The following SLC25A12 variants were observed in gnomAD, a reference collection of about 807,000 sequenced individuals.
SLC25A12 encodes the protein solute carrier family 25 member 12, also known as electrogenic aspartate/glutamate antiporter SLC25A12, mitochondrial.
SLC25A12 carries 32 observed loss-of-function variants against 83.3 expected under a neutral mutation model. That is an observed-to-expected ratio of 0.38 (90% CI 0.29 to 0.52). The LOEUF (loss-of-function observed/expected upper bound fraction) is 0.52. Ranked by LOEUF, SLC25A12 falls within the 20% of genes least tolerant of loss-of-function variation. The pLI, the probability that SLC25A12 is intolerant of heterozygous loss-of-function variation, is 0.84. For missense variants in SLC25A12, 611 were observed against 835.6 expected (o/e 0.73, Z 3.31); for synonymous variants, 267 against 291.1 (o/e 0.92, Z 0.84).
Position 171,785,416 on chromosome 2 carries a change from T to C in SLC25A12, c.1895A>G (p.Asn632Ser). 1 of 1,614,180 alleles carries C rather than the reference T, an allele frequency of 6.2e-7. No individual in the cohort carries two copies. The change falls in exon 18 of 18, where the codon AAC becomes AGC. Residue 632 changes from asparagine to serine, a missense_variant. By Grantham distance (46) the Asn-to-Ser change is conservative. Coordinates refer to ENST00000422440, the MANE Select transcript of SLC25A12 (RefSeq NM_003705.5). ...TCTGTATCCACCGATGTGATCAGGG[T>C]TGGCAGGAGGAAGGTCTGCAATGCG... is the stretch of plus-strand genomic sequence containing the variant. ...KSRIADLPPA[N>S]PDHIGGYRLA...
intron 15 of SLC25A12, among the ~76,000 whole-genome samples, chr2:171,790,569 T>C (rs765245367): frequency 1.6e-4 from 24 of 152,190 alleles, no homozygotes; most frequent in Non-Finnish European, 2.5e-4. Context: ...ATTCATGTTA[T>C]TGACATTTAT....
Position 171,813,534 on chromosome 2 carries a change from A to C in SLC25A12, c.1013-37T>G, listed in dbSNP as rs758519314. On this transcript the variant is annotated intron_variant, in intron 10 of 17. Transcript: ENST00000422440. ...ACAATTTTTAGGCTTAAAAAAGAAC[A>C]CAATTAAATGGAGAGTCCATAAGGA... The C allele has an allele frequency of 4.4e-6, 7 of 1,606,472 alleles. No homozygotes were observed. The South Asian group carries it at 7.7e-5, about 18-fold the overall frequency.
chr2:171,844,747 A>C (rs1684756867), intron 4 of SLC25A12, among the ~76,000 whole-genome samples: 1 of 152,208 alleles, frequency 6.6e-6, no homozygotes. Flanking sequence ...TGAGATTCTT[A>C]ATTTCTCTTT....
intron 13 of SLC25A12, among the ~76,000 whole-genome samples, chr2:171,800,572 C>A (rs1191157479): frequency 6.6e-6 from 1 of 152,112 alleles, no homozygotes; most frequent in African/African-American, 2.4e-5. Context: ...AACTAACTGG[C>A]AGTTTATTTT....
intron 13 of SLC25A12, among the ~76,000 whole-genome samples, chr2:171,804,995 T>C (rs1322326022): frequency 6.6e-6 from 1 of 152,200 alleles, no homozygotes; most frequent in Non-Finnish European, 1.5e-5. Flanking sequence ...TTGATTGTGG[T>C]GATGGTTTCA....
intron 2 of SLC25A12, chr2:171,871,751 C>T (rs934663046): frequency 1.0e-5 from 10 of 984,718 alleles, no homozygotes; most frequent in Non-Finnish European, 1.2e-5. Context: ...TCTTCTAAAA[C>T]TTTTAGTATT....
chr2:171,845,750 T>G (rs1284696031), intron 4 of SLC25A12: 1 of 453,520 alleles, frequency 2.2e-6, no homozygotes, highest in Non-Finnish European at 4.4e-6. Flanking sequence ...ATATAATAGC[T>G]CTGAATAGAT....
intron 9 of SLC25A12, among the ~76,000 whole-genome samples, chr2:171,820,278 C>T (rs1684158374): frequency 6.6e-6 from 1 of 152,130 alleles, no homozygotes; most frequent in Non-Finnish European, 1.5e-5. Flanking sequence ...CACAATCCAG[C>T]TTATATTCCA....
chr2:171,813,378 TCTTAA>T lies in SLC25A12; in HGVS notation c.1127_1131del (p.Phe376Ter). 1 of 1,614,090 alleles carries T rather than the reference TCTTAA, an allele frequency of 6.2e-7. No individual in the cohort carries two copies. The highest frequency in any genetic ancestry group is 8.5e-7 in the Non-Finnish European group (1 of 1,179,968). ...AAGAAGCCCTCATAACGCAAGACTT[TCTTAA>T]AACAGTCAAAGCTGTTTTTGTACAT... is the stretch of plus-strand genomic sequence containing the variant. On this transcript the variant is annotated frameshift_variant, in exon 11 of 18. Coordinates refer to ENST00000422440, the MANE Select transcript of SLC25A12 (RefSeq NM_003705.5). LOFTEE classifies it high-confidence loss of function.
At position 171,793,697 on chromosome 2, in the gene SLC25A12, T is replaced by C; in HGVS notation, c.1376A>G (p.Glu459Gly). The change falls in exon 14 of 18, where the codon GAG becomes GGG. Residue 459 changes from glutamate to glycine, a missense_variant. Coordinates refer to ENST00000422440, the MANE Select transcript of SLC25A12 (RefSeq NM_003705.5). ...GCTGACTCTGGGTCCCGTGGTGATC[T>C]CTCCAGCTACTTGCAGACGAATCTT... is the stretch of plus-strand genomic sequence containing the variant. ...IVKIRLQVAG[E>G]ITTGPRVSAL... 6.2e-7 allele frequency: 1 copy of C among 1,614,124 alleles called. No homozygotes were observed. Among genetic ancestry groups the C allele is most frequent in the Non-Finnish European group, 8.5e-7 (1 of 1,180,020 alleles).
chr2:171,792,889 A>G (rs1445649966), intron 14 of SLC25A12, among the ~76,000 whole-genome samples: 1 of 152,210 alleles, frequency 6.6e-6, no homozygotes, highest in African/African-American at 2.4e-5. Flanking sequence ...ACATTTCTGC[A>G]GTGATGGATC....
At chr2:171,880,840 C>T (rs561459395) in intron 2 of SLC25A12, among the ~76,000 whole-genome samples, 6 of 152,306 alleles carry the variant, frequency 3.9e-5, no homozygotes, top group African/African-American at 7.2e-5. Context: ...ATTCTTTACA[C>T]ACTAACATAC....
chr2:171,853,681 C>CAA (rs879742369), intron 4 of SLC25A12, among the ~76,000 whole-genome samples: 1 of 137,094 alleles, frequency 7.3e-6, no homozygotes. Flanking sequence ...GCTCCACCTC[C>CAA]AAAAAAAAAA....
At chr2:171,805,255 C>A (rs781555144) in intron 13 of SLC25A12, among the ~76,000 whole-genome samples, 1 of 151,902 alleles carries the variant, frequency 6.6e-6, no homozygotes, top group South Asian at 2.1e-4. Context: ...ACTGTAGGAA[C>A]GCGCCACTTC....
chr2:171,867,553 G>A (rs939887400), intron 3 of SLC25A12, among the ~76,000 whole-genome samples: 26 of 152,216 alleles, frequency 1.7e-4, no homozygotes, highest in Non-Finnish European at 2.6e-4. Context: ...GGAGGTTGCA[G>A]TGAGCCGAGA....
At chr2:171,788,087 T>C (rs1574670958) in intron 15 of SLC25A12, 140 bp from the exon 16 acceptor site, 3 of 790,366 alleles carry the variant, frequency 3.8e-6, no homozygotes, top group Non-Finnish European at 6.3e-6. Flanking sequence ...TGGCCATTAA[T>C]GGGAAAAGGG....
chr2:171,854,587 ACT>A (rs1441599110), intron 4 of SLC25A12, among the ~76,000 whole-genome samples: 1 of 151,974 alleles, frequency 6.6e-6, no homozygotes, highest in Non-Finnish European at 1.5e-5. Flanking sequence ...AAAACAAAAA[ACT>A]CTGCATAGCA....
chr2:171,847,170 T>C (rs948878094), intron 4 of SLC25A12, among the ~76,000 whole-genome samples: 1 of 152,196 alleles, frequency 6.6e-6, no homozygotes, highest in African/African-American at 2.4e-5. Flanking sequence ...TGGACTACTA[T>C]AATTACTAGA....
intron 2 of SLC25A12, among the ~76,000 whole-genome samples, chr2:171,873,454 A>G (rs1685498421): frequency 6.6e-6 from 1 of 152,222 alleles, no homozygotes; most frequent in Non-Finnish European, 1.5e-5. Context: ...TCTCAAAAAA[A>G]TAAATAAATA....
Sources: gnomAD v4.1 joint callset for allele counts (sites outside exome capture counted in the v4.1 genomes callset) on GRCh38, gnomAD v4.1.1 for gene constraint, MANE v1.5 for transcripts, NCBI Gene and HGNC (gene_info 2026-07-23, HGNC 2026-07-21) for gene names.